Variants in RNF168 observed in about 807,000 individuals in gnomAD.
RNF168 encodes E3 ubiquitin-protein ligase RNF168.
RNF168 carries 34 observed loss-of-function variants against 34.9 expected under a neutral mutation model. The observed-to-expected ratio is 0.97, with a 90% CI of 0.74 to 1.30. The LOEUF (loss-of-function observed/expected upper bound fraction) is 1.30. Among genes scored for constraint, RNF168 ranks in the 50% most tolerant of loss-of-function variants. The pLI, the probability that RNF168 is intolerant of heterozygous loss-of-function variation, is 0.00. For missense variants in RNF168, 725 were observed against 682.5 expected (o/e 1.06, Z -0.69); for synonymous variants, 264 against 254.7 (o/e 1.04, Z -0.35).
chr3:196,475,250 C>G lies in RNF168; in HGVS notation c.743G>C (p.Arg248Thr). The G allele has an allele frequency of 6.2e-7, 1 of 1,606,336 alleles. No homozygotes were observed. Among genetic ancestry groups the G allele is most frequent in the Admixed American group, 1.7e-5 (1 of 59,994 alleles). Residue 248 changes from arginine (R) to threonine (T), a missense_variant, in exon 5 of 6, where the codon AGG becomes ACG. Coordinates refer to ENST00000318037, the MANE Select transcript of RNF168 (RefSeq NM_152617.4). ...ACATACCTTAGATACGGAGTCTTTC[C>G]TGACTTCTTGTACAGCTTCAGAGTG... The part of the protein sequence containing the change: ...ASHSEAVQEV[R>T]KDSVSKDIDS...
At chr3:196,482,659 A>G (rs7612450) in intron 4 of RNF168, among the ~76,000 whole-genome samples, 96,691 of 152,078 alleles carry the variant, frequency 0.64, 31,731 homozygotes, top group African/African-American at 0.74. Flanking sequence ...ATGAAATGCT[A>G]TATCACTGTG....
rs1731937259 is a variant in RNF168, at chr3:196,468,977, A to T, written c.*2842T>A. On this transcript the variant is annotated 3_prime_UTR_variant, in exon 6 of 6. Transcript: ENST00000318037. ...TAGGCAGAGTAGAAATACTAACAGA[A>T]ATTAGTTTATCTTGAAACCAATTTT... The T allele has an allele frequency of 6.6e-6, 1 of 152,156 alleles. No homozygotes were observed. The highest frequency in any genetic ancestry group is 6.5e-5 in the Admixed American group (1 of 15,270). The allele number at this position is 152,156 out of a possible 1,614,324, so 9.4% of individuals were successfully genotyped here. A position where few individuals can be genotyped will look rare whatever the true frequency, so the allele number is the denominator to read the frequency against.
intron 4 of RNF168, among the ~76,000 whole-genome samples, chr3:196,479,971 A>G (rs968826750): frequency 2.0e-5 from 3 of 152,208 alleles, no homozygotes; most frequent in Non-Finnish European, 2.9e-5. Flanking sequence ...GAGAACAGTC[A>G]TACAATACAT....
intron 1 of RNF168, among the ~76,000 whole-genome samples, chr3:196,501,945 TTTTTC>T (rs1375806990): frequency 2.0e-5 from 3 of 151,506 alleles, no homozygotes; most frequent in South Asian, 2.1e-4. Context: ...TGAATAAAGC[TTTTTC>T]TTTTAACTAT....
intron 1 of RNF168, among the ~76,000 whole-genome samples, chr3:196,490,299 A>G (rs901802918): frequency 6.6e-6 from 1 of 152,136 alleles, no homozygotes; most frequent in Non-Finnish European, 1.5e-5. Flanking sequence ...ATAAAACAAG[A>G]CACTGTTTTA....
chr3:196,471,675 T>C lies in RNF168; in HGVS notation c.*144A>G. ...TGCAGAAGCTCATGTGTCTATGCAG[T>C]CCTTACAATCACACAGACCTTCATT... On this transcript the variant is annotated 3_prime_UTR_variant, in exon 6 of 6. Coordinates refer to ENST00000318037, the MANE Select transcript of RNF168 (RefSeq NM_152617.4). 1.4e-6 allele frequency: 1 copy of C among 703,936 alleles called. No homozygotes were observed. Among genetic ancestry groups the C allele is most frequent in the Non-Finnish European group, 2.6e-6 (1 of 390,378 alleles). The allele number at this position is 703,936 out of a possible 1,614,324, so 43.6% of individuals were successfully genotyped here.
intron 3 of RNF168, among the ~76,000 whole-genome samples, chr3:196,484,550 T>C (rs1034375518): frequency 3.4e-5 from 5 of 147,310 alleles, no homozygotes; most frequent in African/African-American, 1.0e-4. Context: ...GTAGCAATCA[T>C]GGCTCCTTGC....
chr3:196,474,809 T>C (rs1364450924), intron 5 of RNF168: 9 of 199,580 alleles, frequency 4.5e-5, no homozygotes, highest in Admixed American at 2.1e-4. Flanking sequence ...TTTGTGAGTT[T>C]GGATTACATA....
rs138189771 is a variant in RNF168, at chr3:196,492,703, G to A, written c.302-4020C>T. Among the ~76,000 whole-genome samples the A allele has an allele frequency of 3.6e-3, 545 of 152,162 alleles. 5 individuals are homozygous for A. The highest frequency in any genetic ancestry group is 0.012 in the African/African-American group (505 of 41,510). On this transcript the variant is annotated intron_variant, in intron 1 of 5. Transcript: ENST00000318037. ...TGAGACAGGAGAATCGCTTGAACCC[G>A]AGAGGCAGAGGTTGCAGTGAGCCAA...
chr3:196,496,481 A>G (rs1190310404), intron 1 of RNF168, among the ~76,000 whole-genome samples: 1 of 152,168 alleles, frequency 6.6e-6, no homozygotes, highest in Non-Finnish European at 1.5e-5. Flanking sequence ...CCTTTTTATA[A>G]GGAAACCAGT....
In RNF168 at chr3:196,471,646, G is replaced by T; in HGVS notation, c.*173C>A. On this transcript the variant is annotated 3_prime_UTR_variant, in exon 6 of 6. Transcript: ENST00000318037. ...ACAGGGGACCCCTGCTTACCGCTGA[G>T]CTGTGCAGAAGCTCATGTGTCTATG... 1 of 630,068 alleles carries T rather than the reference G, an allele frequency of 1.6e-6. No individual in the cohort carries two copies. Among genetic ancestry groups the T allele is most frequent in the South Asian group, 1.8e-5 (1 of 54,842 alleles). The allele number at this position is 630,068 out of a possible 1,614,324, so 39.0% of individuals were successfully genotyped here.
chr3:196,486,906 A>G (rs1444457646), intron 3 of RNF168, among the ~76,000 whole-genome samples: 4 of 152,186 alleles, frequency 2.6e-5, no homozygotes, highest in Non-Finnish European at 5.9e-5. Flanking sequence ...CTGTCTCCAC[A>G]AAAAAGTAGC....
Position 196,502,896 on chromosome 3 carries a change from G to C in RNF168, c.278C>G (p.Ser93Cys). 2 of 1,614,140 alleles carry C rather than the reference G, an allele frequency of 1.2e-6. No homozygotes were observed. Among genetic ancestry groups the C allele is most frequent in the Non-Finnish European group, 1.7e-6 (2 of 1,179,976 alleles). ...ACCCACTTCCTCTGATTCTTGGCCA[G>C]ACGCTCTAAGCTTGCACTCCCTGGG... is the stretch of plus-strand genomic sequence containing the variant. ...HYPRECKLRA[S>C]GQESEEVADD... The change falls in exon 1 of 6, where the codon TCT becomes TGT. Residue 93 changes from serine to cysteine, a missense_variant. By Grantham distance (112) the Ser-to-Cys change is moderately radical. Transcript: ENST00000318037.
At chr3:196,489,810 C>T (rs995781159) in intron 1 of RNF168, among the ~76,000 whole-genome samples, 3 of 152,070 alleles carry the variant, frequency 2.0e-5, no homozygotes, top group African/African-American at 7.2e-5. Context: ...AGTGAGTAAC[C>T]GTGGGACTGA....
At position 196,475,320 on chromosome 3, in the gene RNF168, A is replaced by T; in HGVS notation, c.681-8T>A. The T allele has an allele frequency of 6.4e-7, 1 of 1,562,888 alleles. No individual in the cohort carries two copies. The highest frequency in any genetic ancestry group is 1.7e-5 in the Admixed American group (1 of 59,960). On this transcript the variant is annotated splice_polypyrimidine_tract_variant and splice_region_variant and intron_variant, in intron 4 of 5. Coordinates refer to ENST00000318037, the MANE Select transcript of RNF168 (RefSeq NM_152617.4). ...GATTTCGGTGTCAAATACCTAAAAGAAAAGTTTACCAAAGTTTCAATGCTT... is the reference window on the plus strand; with the variant it reads ...GATTTCGGTGTCAAATACCTAAAAGTAAAGTTTACCAAAGTTTCAATGCTT...
intron 1 of RNF168, among the ~76,000 whole-genome samples, chr3:196,499,380 C>T: frequency 6.6e-6 from 1 of 152,148 alleles, no homozygotes; most frequent in East Asian, 1.9e-4. Context: ...TCCCTGCTAG[C>T]ATCTTGGGTT....
rs1018204505 is a variant in RNF168, at chr3:196,487,793, C to T, written c.379-215G>A. On this transcript the variant is annotated intron_variant, in intron 2 of 5. Coordinates refer to ENST00000318037, the MANE Select transcript of RNF168 (RefSeq NM_152617.4). ...AAATTATAGGTGTGAGCCTCCACAC[C>T]TAGCCTGAGATGTATTACAAGTGAA... Among the ~76,000 whole-genome samples, 17 of 152,284 alleles carry T rather than the reference C, an allele frequency of 1.1e-4. 2 individuals carry two copies. In the Middle Eastern group the frequency reaches 0.041, roughly 366 times the overall value.
At chr3:196,493,596 G>C (rs190820778) in intron 1 of RNF168, among the ~76,000 whole-genome samples, 1 of 152,306 alleles carries the variant, frequency 6.6e-6, no homozygotes, top group Admixed American at 6.5e-5. Flanking sequence ...CGCAATCTCA[G>C]GTAACTGCAG....
chr3:196,502,961 G>T lies in RNF168; in HGVS notation c.213C>A (p.Leu71=). Residue 71 remains leucine (L), a synonymous_variant, in exon 1 of 6, where the codon CTC becomes CTA. Transcript: ENST00000318037. ...WTRYHTRRNS[L]VNVELWTIIQ... ...TTATCGTCCACAGTTCCACGTTGAC[G>T]AGAGAATTTCTTCGGGTATGGTACC... 6.2e-7 allele frequency: 1 copy of T among 1,613,958 alleles called. No homozygotes were observed. The highest frequency in any genetic ancestry group is 8.5e-7 in the Non-Finnish European group (1 of 1,179,868).
Sources: allele counts gnomAD v4.1 joint callset (sites outside exome capture counted in the v4.1 genomes callset), GRCh38; gene constraint gnomAD v4.1.1; transcripts MANE v1.5; gene names NCBI Gene and HGNC (gene_info 2026-07-23, HGNC 2026-07-21).